TTC28: variants seen among roughly 807,000 people sequenced by gnomAD.
TTC28 encodes tetratricopeptide repeat protein 28.
In TTC28, 61 loss-of-function variants were observed where a neutral mutation model predicts 198.0. That is an observed-to-expected ratio of 0.31 (90% confidence interval 0.25 to 0.38). TTC28 has a LOEUF of 0.38. Among genes scored for constraint, TTC28 ranks in the 10% least tolerant of loss-of-function variants. The pLI is 1.00. For missense variants in TTC28, 2,678 were observed against 3,164.0 expected, an observed-to-expected ratio of 0.85 and a Z score of 3.69; for synonymous variants, 1,171 against 1,297.8, an observed-to-expected ratio of 0.90 and a Z score of 2.10.
chr22:28,016,186 C>T (rs1447825365), intron 13 of TTC28, among the ~76,000 whole-genome samples: 1 of 152,156 alleles, frequency 6.6e-6, no homozygotes, highest in Admixed American at 6.5e-5. Context: ...GCCTCACTCA[C>T]TCTGGAAACG....
At chr22:28,101,396 C>CAAA in intron 8 of TTC28, 116 bp from the exon 9 acceptor site, 8 of 859,654 alleles carry the variant, frequency 9.3e-6, no homozygotes, top group Non-Finnish European at 1.4e-5. Flanking sequence ...GACAGGGTCT[C>CAAA]ACTCTGTTCC....
intron 6 of TTC28, among the ~76,000 whole-genome samples, chr22:28,120,127 A>T (rs1261762845): frequency 1.3e-5 from 2 of 152,200 alleles, no homozygotes; most frequent in Non-Finnish European, 1.5e-5. Flanking sequence ...GATAATATAC[A>T]AAATTCTCTT....
Position 28,107,351 on chromosome 22 carries a change from G to C in TTC28, c.2494C>G (p.Leu832Val), listed in dbSNP as rs945860581. 1.7e-5 allele frequency: 26 copies of C among 1,551,818 alleles called. No homozygotes were observed. Among genetic ancestry groups the C allele is most frequent in the African/African-American group, 2.7e-5 (2 of 73,020 alleles). The change falls in exon 7 of 23, where the codon CTG (leucine) becomes GTG (valine). Residue 832 changes from leucine (L) to valine (V), a missense_variant. Leu to Val is a conservative substitution (Grantham distance 32). This residue lies in a region of TTC28 where 775 missense variants were observed against 845.9 expected (regional missense o/e 0.92). Transcript: ENST00000397906. The part of the protein sequence containing the change: ...DLGQKLKDPS[L>V]EAQVYGNMGI... ...ATGTTGCCATAGACCTGGGCTTCCA[G>C]ACTCGGATCCTTCAGCTTTTGCCCT...
chr22:28,325,788 G>A (rs1038700098), intron 2 of TTC28, among the ~76,000 whole-genome samples: 2 of 151,964 alleles, frequency 1.3e-5, no homozygotes, highest in Non-Finnish European at 2.9e-5. Flanking sequence ...AACTATAATA[G>A]AATACCACTA....
chr22:28,158,654 C>T (rs188518983), intron 6 of TTC28, among the ~76,000 whole-genome samples: 2 of 152,130 alleles, frequency 1.3e-5, no homozygotes, highest in Non-Finnish European at 2.9e-5. Context: ...CAAGAACATA[C>T]ACTGAGAAAA....
intron 2 of TTC28, among the ~76,000 whole-genome samples, chr22:28,334,391 G>A (rs2045671445): frequency 6.6e-6 from 1 of 152,096 alleles, no homozygotes; most frequent in Admixed American, 6.6e-5. Flanking sequence ...TGGGTCAAAC[G>A]GTATTTCTAG....
Position 27,999,036 on chromosome 22 carries a change from T to A in TTC28, c.4623A>T (p.Glu1541Asp). The A allele has an allele frequency of 6.5e-7, 1 of 1,550,368 alleles. No homozygotes were observed. Among genetic ancestry groups the A allele is most frequent in the Non-Finnish European group, 8.7e-7 (1 of 1,146,970 alleles). ...ERVMSALTQA[E>D]CVHFATHISW... is the part of the protein sequence containing the mutation. ...AGATGTGGGTGGCAAAGTGGACGCA[T>A]TCAGCCTGGGTCAGGGCACTCATGA... Residue 1541 changes from glutamate (E) to aspartate (D), a missense_variant, in exon 16 of 23, where the codon GAA (glutamate) becomes GAT (aspartate). Coordinates refer to ENST00000397906, the MANE Select transcript of TTC28 (RefSeq NM_001145418.2).
chr22:28,335,446 T>A (rs1245911720), intron 2 of TTC28, among the ~76,000 whole-genome samples: 1 of 152,216 alleles, frequency 6.6e-6, no homozygotes, highest in Non-Finnish European at 1.5e-5. Context: ...TACCTTGGGC[T>A]GTATTGCCAT....
At chr22:28,277,409 T>C (rs1190690445) in intron 5 of TTC28, among the ~76,000 whole-genome samples, 1 of 152,204 alleles carries the variant, frequency 6.6e-6, no homozygotes, top group African/African-American at 2.4e-5. Context: ...AAAGGATTCC[T>C]AATTTGGATC....
At chr22:28,229,436 A>G (rs1601506900) in intron 5 of TTC28, among the ~76,000 whole-genome samples, 1 of 152,206 alleles carries the variant, frequency 6.6e-6, no homozygotes, top group Admixed American at 6.5e-5. Context: ...CAAAAAGCTG[A>G]CTCCAAAACT....
chr22:28,330,370 T>C (rs2045595560), intron 2 of TTC28, among the ~76,000 whole-genome samples: 4 of 152,286 alleles, frequency 2.6e-5, no homozygotes, highest in African/African-American at 9.6e-5. Flanking sequence ...CACAGACAAC[T>C]GGGGCCTCGA....
At chr22:28,375,392 T>G (rs183782257) in intron 2 of TTC28, among the ~76,000 whole-genome samples, 1 of 152,268 alleles carries the variant, frequency 6.6e-6, no homozygotes, top group East Asian at 1.9e-4. Flanking sequence ...TGCTGCAGAT[T>G]AATAAAAGGG....
intron 2 of TTC28, among the ~76,000 whole-genome samples, chr22:28,344,665 G>A (rs1464904917): frequency 6.6e-6 from 1 of 152,092 alleles, no homozygotes; most frequent in Non-Finnish European, 1.5e-5. Flanking sequence ...ATAAGATAGA[G>A]TCCACTGTTA....
chr22:28,243,037 T>TAA (rs199565183), intron 5 of TTC28, among the ~76,000 whole-genome samples: 9 of 132,520 alleles, frequency 6.8e-5, no homozygotes, highest in African/African-American at 2.0e-4. Flanking sequence ...ATCTAATAAT[T>TAA]AAAAAAAAAA....
chr22:28,072,842 T>C (rs1256375017), intron 12 of TTC28, among the ~76,000 whole-genome samples: 1 of 152,174 alleles, frequency 6.6e-6, no homozygotes, highest in Non-Finnish European at 1.5e-5. Flanking sequence ...GGACACACAA[T>C]GGGGCCTCAT....
chr22:28,018,304 CGCG>C (rs1293687101), intron 13 of TTC28, among the ~76,000 whole-genome samples: 1 of 9,250 alleles, frequency 1.1e-4, no homozygotes, highest in African/African-American at 3.9e-4. Flanking sequence ...TGTGTGCGCG[CGCG>C]GGGGGGGGGG....
intron 2 of TTC28, among the ~76,000 whole-genome samples, chr22:28,510,795 A>T (rs1371943282): frequency 6.6e-6 from 1 of 152,134 alleles, no homozygotes; most frequent in Non-Finnish European, 1.5e-5. Flanking sequence ...GCTAAAAAAC[A>T]ACTTCCACAA....
chr22:28,647,761 C>A (rs1449313603), intron 1 of TTC28, among the ~76,000 whole-genome samples: 1 of 151,564 alleles, frequency 6.6e-6, no homozygotes, highest in African/African-American at 2.4e-5. Flanking sequence ...ATGGTGTGAA[C>A]CTGGGAGGCG....
At position 28,352,982 on chromosome 22, in the gene TTC28, G is replaced by C. The variant is rs1019537383; in HGVS notation, c.382-46339C>G. Among the ~76,000 whole-genome samples, 27 of 152,254 alleles carry C rather than the reference G, an allele frequency of 1.8e-4. 3 individuals carry two copies. In the South Asian group the frequency reaches 3.9e-3, roughly 22 times the overall value. ...AAATGGAAACTCTAGAAATAAAAAA[G>C]AGGGTACTTCATTGGGGTAGGGAAC... On this transcript the variant is annotated intron_variant, in intron 2 of 22. Coordinates refer to ENST00000397906, the MANE Select transcript of TTC28 (RefSeq NM_001145418.2).
Sources: allele counts gnomAD v4.1 joint callset (sites outside exome capture counted in the v4.1 genomes callset), GRCh38; gene constraint gnomAD v4.1.1; regional missense constraint gnomAD v4.1.1; transcripts MANE v1.5; gene names NCBI Gene and HGNC (gene_info 2026-07-23, HGNC 2026-07-21).